Variants in CSMD1 observed in about 807,000 individuals in gnomAD.
CSMD1 encodes CUB and Sushi multiple domains 1, also known as CUB and sushi domain-containing protein 1.
Under a neutral mutation model 417.5 loss-of-function variants are expected in CSMD1, and 213 were observed. The ratio of observed to expected loss-of-function variants is 0.51; its 90% confidence interval spans 0.46 to 0.57. CSMD1 has a LOEUF of 0.57. Among genes scored for constraint, CSMD1 ranks in the 20% least tolerant of loss-of-function variants. The probability of loss-of-function intolerance (pLI) is 0.00; values close to 1 mark genes in which losing one functional copy is unlikely to be tolerated. For synonymous variants in CSMD1, 2,862 were observed against 1,736.8 expected (o/e 1.65, Z -16.11); for missense variants, 6,923 against 4,529.7 (o/e 1.53, Z -15.17).
At chr8:3,001,734 C>G (rs184873199) in intron 52 of CSMD1, among the ~76,000 whole-genome samples, 6 of 152,198 alleles carry the variant, frequency 3.9e-5, no homozygotes, top group Non-Finnish European at 5.9e-5. Flanking sequence ...GCTACAGAAG[C>G]CTTCAGTCCA....
At chr8:3,609,870 G>A (rs949088431) in intron 8 of CSMD1, among the ~76,000 whole-genome samples, 1 of 118,426 alleles carries the variant, frequency 8.4e-6, no homozygotes, top group African/African-American at 3.2e-5. Flanking sequence ...CCAGGCTGAA[G>A]TGAAGTGGTG....
chr8:3,862,268 A>G (rs74335082), intron 5 of CSMD1, among the ~76,000 whole-genome samples: 5,738 of 152,280 alleles, frequency 0.038, 107 homozygotes, highest in Middle Eastern at 0.068. Context: ...GGACTGTGAT[A>G]ACTTACCATT....
At chr8:4,372,806 C>G (rs143693423) in intron 3 of CSMD1, among the ~76,000 whole-genome samples, 1 of 151,260 alleles carries the variant, frequency 6.6e-6, no homozygotes, top group Non-Finnish European at 1.5e-5. Flanking sequence ...TGAGTGCATA[C>G]TGATAAAAAT....
rs143888371 is a variant in CSMD1 at position 4,365,809 on chromosome 8, G to T, written c.415+54144C>A. Among the ~76,000 whole-genome samples, 267 of 152,220 alleles carry T rather than the reference G, an allele frequency of 1.8e-3. 1 individual carries two copies. Among genetic ancestry groups the T allele is most frequent in the African/African-American group, 6.0e-3 (251 of 41,552 alleles). On this transcript the variant is annotated intron_variant, in intron 3 of 69. Transcript: ENST00000635120. The stretch of plus-strand genomic sequence containing the variant: ...TTACTCTTGGCATTACCCTCCAGAG[G>T]TTTTGATCTTTTGACTTTTCTAGAT...
At chr8:4,233,891 C>G (rs1253065929) in intron 3 of CSMD1, among the ~76,000 whole-genome samples, 1 of 150,252 alleles carries the variant, frequency 6.7e-6, no homozygotes, top group Admixed American at 6.7e-5. Flanking sequence ...AAGCCATATC[C>G]AGTACTTGGA....
At chr8:3,191,553 AG>A (rs1796425101) in intron 33 of CSMD1, among the ~76,000 whole-genome samples, 1 of 152,192 alleles carries the variant, frequency 6.6e-6, no homozygotes, top group Non-Finnish European at 1.5e-5. Context: ...TGTTGCAGCA[AG>A]CAAAAACCCA....
intron 26 of CSMD1, among the ~76,000 whole-genome samples, chr8:3,274,386 G>GA (rs941823805): frequency 6.5e-4 from 99 of 152,210 alleles, no homozygotes; most frequent in Middle Eastern, 6.8e-3. Flanking sequence ...GTGTGGTGCT[G>GA]AAAAAAATGT....
At chr8:3,529,090 C>T (rs1004498746) in intron 10 of CSMD1, among the ~76,000 whole-genome samples, 1 of 152,120 alleles carries the variant, frequency 6.6e-6, no homozygotes, top group Non-Finnish European at 1.5e-5. Context: ...ACAGAATATA[C>T]CGACTTCTTT....
chr8:3,669,795 C>A (rs376679632), intron 7 of CSMD1, among the ~76,000 whole-genome samples: 9 of 152,124 alleles, frequency 5.9e-5, no homozygotes, highest in South Asian at 4.1e-4. Context: ...CAGGGATCCA[C>A]GTGCAGCCCT....
chr8:4,026,463 TTA>T (rs1360511990), intron 4 of CSMD1, among the ~76,000 whole-genome samples: 1 of 152,144 alleles, frequency 6.6e-6, no homozygotes, highest in Non-Finnish European at 1.5e-5. Context: ...ACAGATACGA[TTA>T]TGGAAATTTT....
At chr8:4,311,291 C>T (rs545199320) in intron 3 of CSMD1, among the ~76,000 whole-genome samples, 15 of 152,288 alleles carry the variant, frequency 9.8e-5, no homozygotes, top group Non-Finnish European at 1.5e-5. Flanking sequence ...AAATGTGGCA[C>T]ATGTACACCA....
chr8:4,194,689 A>G (rs1799228986), intron 3 of CSMD1, among the ~76,000 whole-genome samples: 1 of 152,190 alleles, frequency 6.6e-6, no homozygotes, highest in African/African-American at 2.4e-5. Context: ...GGATCATACA[A>G]CACAAAGCCA....
At chr8:4,888,212 G>C (rs1490863280) in intron 1 of CSMD1, among the ~76,000 whole-genome samples, 1 of 151,712 alleles carries the variant, frequency 6.6e-6, no homozygotes, top group Non-Finnish European at 1.5e-5. Flanking sequence ...ATAAAAGAAA[G>C]AAAAAATAGA....
At chr8:4,173,675 T>C (rs955031849) in intron 3 of CSMD1, among the ~76,000 whole-genome samples, 1 of 152,108 alleles carries the variant, frequency 6.6e-6, no homozygotes, top group African/African-American at 2.4e-5. Context: ...GTGATAACTG[T>C]AGTAGGAAAA....
intron 3 of CSMD1, among the ~76,000 whole-genome samples, chr8:4,132,753 G>T (rs1258365640): frequency 2.6e-5 from 4 of 152,136 alleles, no homozygotes; most frequent in Non-Finnish European, 5.9e-5. Flanking sequence ...AGATAGTGTT[G>T]ATGTTCTCTA....
chr8:4,905,870 C>T (rs1031727243), intron 1 of CSMD1, among the ~76,000 whole-genome samples: 1 of 138,566 alleles, frequency 7.2e-6, no homozygotes, highest in Non-Finnish European at 1.6e-5. Context: ...ATCTTACTAT[C>T]CTTAAAATTA....
chr8:3,043,702 T>C (rs1220072541), intron 50 of CSMD1: 1 of 152,124 alleles, frequency 6.6e-6, no homozygotes, highest in Non-Finnish European at 1.5e-5. Context: ...AACATATTAT[T>C]AACTGAAAAA....
intron 2 of CSMD1, among the ~76,000 whole-genome samples, chr8:4,508,963 GC>G (rs1439106371): frequency 6.6e-6 from 1 of 152,128 alleles, no homozygotes; most frequent in Non-Finnish European, 1.5e-5. Context: ...GGCAGCCTGA[GC>G]TTTCCTGCGG....
At chr8:4,251,563 C>T (rs1563337549) in intron 3 of CSMD1, among the ~76,000 whole-genome samples, 1 of 152,140 alleles carries the variant, frequency 6.6e-6, no homozygotes, top group Non-Finnish European at 1.5e-5. Context: ...AGGGCAGTAT[C>T]CCACAGGTGA....
Sources: allele counts gnomAD v4.1 joint callset (sites outside exome capture counted in the v4.1 genomes callset), GRCh38; gene constraint gnomAD v4.1.1; transcripts MANE v1.5; gene names NCBI Gene and HGNC (gene_info 2026-07-23, HGNC 2026-07-21).